The following DZIP1L variants were observed in gnomAD, a reference collection of about 807,000 sequenced individuals.
The protein encoded by DZIP1L is cilium assembly protein DZIP1L.
In DZIP1L, 90 loss-of-function variants were observed where a neutral mutation model predicts 88.7. The observed-to-expected ratio is 1.02, with a 90% CI of 0.86 to 1.21. DZIP1L has a LOEUF of 1.21. Ranked by LOEUF, DZIP1L falls within the 50% of genes most tolerant of loss-of-function variation. DZIP1L has a pLI of 0.00. For missense variants in DZIP1L, 932 were observed against 955.8 expected (o/e 0.98, Z 0.33); for synonymous variants, 363 against 372.1 (o/e 0.98, Z 0.28).
intron 3 of DZIP1L, among the ~76,000 whole-genome samples, chr3:138,095,470 A>G (rs1220736856): frequency 6.6e-6 from 1 of 152,128 alleles, no homozygotes; most frequent in African/African-American, 2.4e-5. Flanking sequence ...ACTTTTTTCA[A>G]TAATGTAAGT....
intron 15 of DZIP1L, among the ~76,000 whole-genome samples, chr3:138,064,195 C>A (rs143606709): frequency 6.6e-6 from 1 of 152,096 alleles, no homozygotes; most frequent in Non-Finnish European, 1.5e-5. Flanking sequence ...ATGTGCTATG[C>A]GAGGCCACTC....
At chr3:138,095,004 C>G (rs374735086) in intron 3 of DZIP1L, 21 bp from the exon 4 acceptor site, 24 of 1,613,950 alleles carry the variant, frequency 1.5e-5, no homozygotes, top group Non-Finnish European at 1.9e-5. Flanking sequence ...CACGCAAAGA[C>G]AGGTGACCAG....
At position 138,101,492 on chromosome 3, in the gene DZIP1L, C is replaced by T. The variant is rs181936880; in HGVS notation, c.501+1979G>A. On this transcript the variant is annotated intron_variant, in intron 2 of 15. Coordinates refer to ENST00000327532, the MANE Select transcript of DZIP1L (RefSeq NM_173543.3). ...GCCACAGCTGTTCACTTGGGCAGGA[C>T]GTCAGAGGACTCGGACACCAGCTTC... is the stretch of plus-strand genomic sequence containing the variant. The T allele has an allele frequency of 6.8e-4, 531 of 777,542 alleles. 2 individuals carry two copies. The African/African-American group carries it at 7.3e-3, about 11-fold the overall frequency. 48.2% of individuals were successfully genotyped at this position (777,542 alleles called of 1,614,324 possible). A position where few individuals can be genotyped will look rare whatever the true frequency, so the allele number is the denominator to read the frequency against.
Position 138,062,991 on chromosome 3 carries a change from A to C in DZIP1L, c.2143-14T>G. 1 of 1,612,936 alleles carries C rather than the reference A, an allele frequency of 6.2e-7. No homozygotes were observed. Among genetic ancestry groups the C allele is most frequent in the Non-Finnish European group, 8.5e-7 (1 of 1,179,556 alleles). On this transcript the variant is annotated splice_polypyrimidine_tract_variant and intron_variant, in intron 15 of 15. Transcript: ENST00000327532. ...ATCTTCAGAAAGCTGCAGGGGGTAA[A>C]GGGGAGAAGAAAATGCATTTTGATA...
chr3:138,073,532 G>A (rs982959081), intron 11 of DZIP1L, among the ~76,000 whole-genome samples: 4 of 152,140 alleles, frequency 2.6e-5, no homozygotes, highest in African/African-American at 9.7e-5. Flanking sequence ...CTACATCAAG[G>A]GAGCACCCCA....
chr3:138,092,462 T>TA lies in DZIP1L; in HGVS notation c.790dup (p.Tyr264LeufsTer6), dbSNP rs1944285219. ...TTTTTTTAGTTTATCTATTTCCCCA[T>TA]AAAGTTTGGTCCACTCTTGCTCTTT... On this transcript the variant is annotated frameshift_variant, in exon 5 of 16. Coordinates refer to ENST00000327532, the MANE Select transcript of DZIP1L (RefSeq NM_173543.3). LOFTEE classifies it high-confidence loss of function. 1 of 1,607,344 alleles carries TA rather than the reference T, an allele frequency of 6.2e-7. No individual in the cohort carries two copies. Among genetic ancestry groups the TA allele is most frequent in the Admixed American group, 1.7e-5 (1 of 58,796 alleles).
chr3:138,093,287 A>G (rs1944319238), intron 4 of DZIP1L, among the ~76,000 whole-genome samples: 1 of 151,776 alleles, frequency 6.6e-6, no homozygotes, highest in Non-Finnish European at 1.5e-5. Flanking sequence ...AATTATTTTG[A>G]AAAGAATCTT....
At chr3:138,099,146 G>A (rs891347857) in intron 2 of DZIP1L, among the ~76,000 whole-genome samples, 1 of 152,180 alleles carries the variant, frequency 6.6e-6, no homozygotes, top group Admixed American at 6.5e-5. Flanking sequence ...AAAAAAGAAT[G>A]TATATTTGGT....
At chr3:138,089,045 G>T in intron 5 of DZIP1L, 1 of 985,474 alleles carries the variant, frequency 1.0e-6, no homozygotes, top group Non-Finnish European at 1.2e-6. Context: ...TCAAAGAGAG[G>T]ATGCCTTTCC....
Position 138,062,950 on chromosome 3 carries a change from T to C in DZIP1L, c.2170A>G (p.Ile724Val). ...AGAGGAAGATCTTCCAAGGAGGAGA[T>C]CTCCAAGTCACTCTCATCTTCAGAA... ...QLSEDESDLE[I>V]SSLEDLPLDL... The change falls in exon 16 of 16, where the codon ATC becomes GTC. Residue 724 changes from isoleucine to valine, a missense_variant. By Grantham distance (29) the Ile-to-Val change is conservative. Transcript: ENST00000327532. 1.9e-6 allele frequency: 3 copies of C among 1,613,942 alleles called. No homozygotes were observed. Among genetic ancestry groups the C allele is most frequent in the Non-Finnish European group, 2.5e-6 (3 of 1,179,992 alleles).
At chr3:138,077,990 T>C (rs1457812020) in intron 10 of DZIP1L, among the ~76,000 whole-genome samples, 1 of 152,202 alleles carries the variant, frequency 6.6e-6, no homozygotes, top group African/African-American at 2.4e-5. Context: ...CTTTAGCATA[T>C]ATCAGAATCA....
At chr3:138,078,334 T>C (rs1256109591) in intron 10 of DZIP1L, among the ~76,000 whole-genome samples, 5 of 152,142 alleles carry the variant, frequency 3.3e-5, no homozygotes, top group Admixed American at 6.5e-5. Flanking sequence ...ACAAGCAGCA[T>C]GAGTGTAATC....
intron 11 of DZIP1L, among the ~76,000 whole-genome samples, chr3:138,076,987 C>T (rs1470081697): frequency 6.6e-6 from 1 of 151,592 alleles, no homozygotes; most frequent in Non-Finnish European, 1.5e-5. Context: ...CATGTAACTG[C>T]TAAAAAACTA....
intron 7 of DZIP1L, among the ~76,000 whole-genome samples, chr3:138,084,493 T>C (rs952048873): frequency 5.3e-5 from 8 of 152,170 alleles, no homozygotes; most frequent in African/African-American, 9.7e-5. Context: ...TAGCCACCCA[T>C]TGAAGAACAG....
intron 9 of DZIP1L, among the ~76,000 whole-genome samples, chr3:138,081,116 A>G (rs1490050535): frequency 2.6e-5 from 4 of 152,126 alleles, no homozygotes; most frequent in African/African-American, 4.8e-5. Context: ...TTGCAAGAAA[A>G]GGCAGAAGTG....
rs1244669831 is a variant in DZIP1L, at chr3:138,088,373, G to A, written c.999+6C>T. 1 of 1,609,638 alleles carries A rather than the reference G, an allele frequency of 6.2e-7. No individual in the cohort carries two copies. The highest frequency in any genetic ancestry group is 8.5e-7 in the Non-Finnish European group (1 of 1,178,144). ...CTGGGAAGAAAGGCATGGAGCATCAGCTCACCTGAATTTCTGTCTTCTCTC... is the reference window on the plus strand; with the variant it reads ...CTGGGAAGAAAGGCATGGAGCATCAACTCACCTGAATTTCTGTCTTCTCTC... On this transcript the variant is annotated splice_donor_region_variant and intron_variant, in intron 6 of 15. Coordinates refer to ENST00000327532, the MANE Select transcript of DZIP1L (RefSeq NM_173543.3).
In DZIP1L at chr3:138,098,021, C is replaced by T. The variant is rs550092932; in HGVS notation, c.502-174G>A. On this transcript the variant is annotated intron_variant, in intron 2 of 15. Transcript: ENST00000327532. ...AGCCCATGCTGCCCACTAGGATCACCGGAGCTTTAAAATACTACCAGTGTC... is the reference window on the plus strand; with the variant it reads ...AGCCCATGCTGCCCACTAGGATCACTGGAGCTTTAAAATACTACCAGTGTC... Among the ~76,000 whole-genome samples, 23 of 152,294 alleles carry T rather than the reference C, an allele frequency of 1.5e-4. No homozygotes were observed. In the South Asian group the frequency reaches 4.1e-3, roughly 27 times the overall value.
At chr3:138,078,700 A>T (rs1488109112) in intron 10 of DZIP1L, among the ~76,000 whole-genome samples, 1 of 151,640 alleles carries the variant, frequency 6.6e-6, no homozygotes, top group Admixed American at 6.6e-5. Context: ...GGTTATAATA[A>T]CTCCTCCCCT....
At position 138,067,625 on chromosome 3, in the gene DZIP1L, A is replaced by T. The variant is rs1345099078; in HGVS notation, c.1908T>A (p.Val636=). The stretch of plus-strand genomic sequence containing the variant: ...TGGGCCGGGGCACCATCCTGGAAGG[A>T]ACTTTTGGGGGCTGTAGAGACACAC... ...VQRVSLQPPK[V]PSRMVPRPKD... The change falls in exon 14 of 16, where the codon GTT becomes GTA. Residue 636 remains valine (V), a synonymous_variant. Transcript: ENST00000327532. 2 of 1,611,438 alleles carry T rather than the reference A, an allele frequency of 1.2e-6. No individual in the cohort carries two copies. Among genetic ancestry groups the T allele is most frequent in the South Asian group, 2.2e-5 (2 of 90,580 alleles).
Sources: gnomAD v4.1 joint callset for allele counts (sites outside exome capture counted in the v4.1 genomes callset) on GRCh38, gnomAD v4.1.1 for gene constraint, MANE v1.5 for transcripts, NCBI Gene and HGNC (gene_info 2026-07-23, HGNC 2026-07-21) for gene names.